The following MTCL2 variants were observed in gnomAD, a reference collection of about 807,000 sequenced individuals.
MTCL2 encodes microtubule crosslinking factor 2, also known as microtubule cross-linking factor 2.
chr20:36,848,846 A>G, the MTCL2 span, among the ~76,000 whole-genome samples: 2 of 152,118 alleles, frequency 1.3e-5, no homozygotes, highest in Non-Finnish European at 2.9e-5. Flanking sequence ...TATATGAGTA[A>G]TATCTGTGAC....
At chr20:36,818,050 T>C in the MTCL2 span, among the ~76,000 whole-genome samples, 2 of 152,302 alleles carry the variant, frequency 1.3e-5, no homozygotes, top group East Asian at 3.9e-4. Flanking sequence ...CATGACCCCT[T>C]GCCTCAGCTC....
At chr20:36,792,539 CCA>C in the MTCL2 span, among the ~76,000 whole-genome samples, 2 of 151,730 alleles carry the variant, frequency 1.3e-5, no homozygotes, top group African/African-American at 4.8e-5. Flanking sequence ...AAAAAAAAAC[CCA>C]CAGAGATGCT....
the MTCL2 span, among the ~76,000 whole-genome samples, chr20:36,819,392 C>T: frequency 6.6e-6 from 1 of 152,144 alleles, no homozygotes; most frequent in African/African-American, 2.4e-5. Flanking sequence ...AAGTGACAGC[C>T]ACTGATCTAA....
the MTCL2 span, chr20:36,804,664 A>C: frequency 1.3e-4 from 208 of 1,572,124 alleles, 1 homozygote; most frequent in South Asian, 4.5e-5. Flanking sequence ...TTGGTATTCT[A>C]CTCCCAGATC....
chr20:36,815,530 C>T, the MTCL2 span: 164 of 1,574,350 alleles, frequency 1.0e-4, no homozygotes, highest in South Asian at 1.9e-4. The surrounding 1 kb of genome is among the most constrained non-coding windows in gnomAD (Gnocchi z 5.3). Flanking sequence ...GCATGGGACT[C>T]GTGTGTCTCG....
the MTCL2 span, among the ~76,000 whole-genome samples, chr20:36,819,362 C>T: frequency 6.6e-6 from 1 of 152,156 alleles, no homozygotes; most frequent in African/African-American, 2.4e-5. Flanking sequence ...CATCCCCCAC[C>T]TCTCACACCC....
At chr20:36,810,331 G>T in the MTCL2 span, among the ~76,000 whole-genome samples, 1 of 152,244 alleles carries the variant, frequency 6.6e-6, no homozygotes, top group Admixed American at 6.5e-5. Flanking sequence ...ATTGGAACTT[G>T]TTCTTTTCTC....
chr20:36,808,110 C>T, the MTCL2 span, among the ~76,000 whole-genome samples: 1 of 150,840 alleles, frequency 6.6e-6, no homozygotes, highest in South Asian at 2.1e-4. Context: ...CTCCTGACCT[C>T]GTGATCCACC....
chr20:36,854,582 G>T, the MTCL2 span, among the ~76,000 whole-genome samples: 1 of 152,166 alleles, frequency 6.6e-6, no homozygotes, highest in Non-Finnish European at 1.5e-5. Context: ...GAGGCTGTGG[G>T]AGGCAGGACC....
chr20:36,797,520 C>T, the MTCL2 span: 21 of 1,555,062 alleles, frequency 1.4e-5, no homozygotes, highest in Non-Finnish European at 1.8e-5. Flanking sequence ...AGCTGTTGTC[C>T]TGCTTCTCCA....
chr20:36,804,667 C>T, the MTCL2 span: 5 of 1,583,604 alleles, frequency 3.2e-6, no homozygotes, highest in Non-Finnish European at 4.3e-6. Flanking sequence ...GTATTCTACT[C>T]CCAGATCTGA....
the MTCL2 span, chr20:36,816,217 T>C: frequency 1.2e-6 from 2 of 1,613,150 alleles, no homozygotes; most frequent in Non-Finnish European, 1.7e-6. Flanking sequence ...ATGCTGTCAT[T>C]CTCCTTGGCA....
At chr20:36,808,547 T>C in the MTCL2 span, 2 of 1,606,726 alleles carry the variant, frequency 1.2e-6, no homozygotes, top group Non-Finnish European at 1.7e-6. Flanking sequence ...GGGCAAAACC[T>C]TGCCCTGCCG....
At chr20:36,784,576 C>T in the MTCL2 span, 1 of 985,516 alleles carries the variant, frequency 1.0e-6, no homozygotes, top group Non-Finnish European at 1.2e-6. Context: ...CAGTCAGTTA[C>T]AGGAAGGCTG....
At chr20:36,793,313 A>C in the MTCL2 span, 1 of 1,551,712 alleles carries the variant, frequency 6.4e-7, no homozygotes, top group Non-Finnish European at 8.7e-7. This position sits in a 1 kb window ranked among gnomAD's most constrained non-coding sequence, Gnocchi z 6.8. Context: ...CACCTGGGGG[A>C]GCATGGTGAG....
At chr20:36,794,716 C>A in the MTCL2 span, 1 of 1,329,178 alleles carries the variant, frequency 7.5e-7, no homozygotes, top group Non-Finnish European at 1.1e-6. The surrounding 1 kb of genome is among the most constrained non-coding windows in gnomAD (Gnocchi z 5.4). Flanking sequence ...CCGTCTTGTT[C>A]ACCTCTTGTA....
At chr20:36,815,118 C>T in the MTCL2 span, 43 of 1,573,844 alleles carry the variant, frequency 2.7e-5, no homozygotes, top group East Asian at 7.9e-4. This position sits in a 1 kb window ranked among gnomAD's most constrained non-coding sequence, Gnocchi z 5.3. Context: ...GTGCATGAGG[C>T]ACCTTACCTG....
At chr20:36,815,669 C>T in the MTCL2 span, 1 of 1,607,998 alleles carries the variant, frequency 6.2e-7, no homozygotes, top group Non-Finnish European at 8.5e-7. The surrounding 1 kb of genome is among the most constrained non-coding windows in gnomAD (Gnocchi z 5.3). Context: ...GGTTCTCGTA[C>T]TGCAGCTTCT....
chr20:36,836,286 G>A, the MTCL2 span, among the ~76,000 whole-genome samples: 2 of 151,380 alleles, frequency 1.3e-5, no homozygotes, highest in Non-Finnish European at 2.9e-5. Flanking sequence ...GCAATCCTCT[G>A]GCCTTGGCCT....
Sources: gnomAD v4.1 joint callset for allele counts (sites outside exome capture counted in the v4.1 genomes callset) on GRCh38, gnomAD v4.1.1 for gene constraint, Gnocchi (gnomAD v3.1) non-coding constraint, MANE v1.5 for transcripts, NCBI Gene and HGNC (gene_info 2026-07-23, HGNC 2026-07-21) for gene names.